The following LRRC4C variants were observed in gnomAD, a reference collection of about 807,000 sequenced individuals.
The protein encoded by LRRC4C is leucine-rich repeat-containing protein 4C.
Under a neutral mutation model 33.6 loss-of-function variants are expected in LRRC4C, and 5 were observed. That is an observed-to-expected ratio of 0.15 (90% confidence interval 0.08 to 0.31). The LOEUF is 0.31. Ranked by LOEUF, LRRC4C falls within the 10% of genes least tolerant of loss-of-function variation. LRRC4C has a pLI of 1.00. For missense variants in LRRC4C, 560 were observed against 796.7 expected (o/e 0.70, Z 3.58); for synonymous variants, 329 against 302.0 (o/e 1.09, Z -0.93).
chr11:41,194,826 C>T (rs981570925), intron 1 of LRRC4C, among the ~76,000 whole-genome samples: 7 of 152,020 alleles, frequency 4.6e-5, no homozygotes, highest in Non-Finnish European at 8.8e-5. Context: ...TTTTAATTCA[C>T]CACATTTATA....
rs368250244 is a variant in LRRC4C at position 40,993,144 on chromosome 11, C to T, written c.-495-59421G>A. On this transcript the variant is annotated intron_variant, in intron 1 of 6. Transcript: ENST00000528697. ...TGTATATTTTCATTGCTTTTGTATA[C>T]TTCATTTCATTTCATGTGCTTTGCA... Among the ~76,000 whole-genome samples, 484 of 152,224 alleles carry T rather than the reference C, an allele frequency of 3.2e-3. 7 individuals carry two copies. The South Asian group carries it at 0.036, about 11-fold the overall frequency.
chr11:41,360,207 C>G (rs1952304381), intron 1 of LRRC4C, among the ~76,000 whole-genome samples: 1 of 152,070 alleles, frequency 6.6e-6, no homozygotes, highest in Admixed American at 6.5e-5. Context: ...AACAAACAAA[C>G]AGAATAAAAT....
At chr11:40,394,837 T>C (rs1949475960) in intron 3 of LRRC4C, among the ~76,000 whole-genome samples, 1 of 152,186 alleles carries the variant, frequency 6.6e-6, no homozygotes, top group Non-Finnish European at 1.5e-5. Flanking sequence ...AGTAGGTACA[T>C]TACATGAAAC....
intron 1 of LRRC4C, among the ~76,000 whole-genome samples, chr11:40,963,401 A>G (rs554204450): frequency 6.6e-6 from 1 of 151,852 alleles, no homozygotes; most frequent in Admixed American, 6.6e-5. Flanking sequence ...ATATAAATCA[A>G]CATGGGATAA....
At chr11:41,415,385 C>T (rs1357915049) in intron 1 of LRRC4C, among the ~76,000 whole-genome samples, 5 of 152,168 alleles carry the variant, frequency 3.3e-5, no homozygotes, top group African/African-American at 4.8e-5. Context: ...GAGGAGTCCC[C>T]GAATGACTGA....
chr11:40,223,744 C>A (rs1187738892), intron 5 of LRRC4C, among the ~76,000 whole-genome samples: 1 of 152,150 alleles, frequency 6.6e-6, no homozygotes, highest in Non-Finnish European at 1.5e-5. Context: ...ATGAAAAGTG[C>A]CAACCACAAT....
At chr11:40,393,679 A>G (rs1224067101) in intron 3 of LRRC4C, among the ~76,000 whole-genome samples, 2 of 152,204 alleles carry the variant, frequency 1.3e-5, no homozygotes, top group Non-Finnish European at 2.9e-5. Flanking sequence ...ACCCAAGTGA[A>G]AAAACAATTG....
At chr11:40,436,973 G>C (rs141373319) in intron 3 of LRRC4C, among the ~76,000 whole-genome samples, 225 of 152,256 alleles carry the variant, frequency 1.5e-3, no homozygotes, top group African/African-American at 5.3e-3. Flanking sequence ...GTTCGAGCTC[G>C]GGGGAGGATG....
In LRRC4C at chr11:41,204,268, T is replaced by C. The variant is rs75162450; in HGVS notation, c.-496+255163A>G. On this transcript the variant is annotated intron_variant, in intron 1 of 6. Coordinates refer to ENST00000528697, the MANE Select transcript of LRRC4C (RefSeq NM_001258419.2). ...CAGTGACAGAGGAAATAATGAAATA[T>C]ATAAGGCAGAGATGGCCCTGACAAA... Among the ~76,000 whole-genome samples, 1,248 of 152,338 alleles carry C rather than the reference T, an allele frequency of 8.2e-3. 12 individuals carry two copies. The highest frequency in any genetic ancestry group is 0.028 in the African/African-American group (1,176 of 41,570).
At chr11:41,166,128 T>C (rs957358863) in intron 1 of LRRC4C, among the ~76,000 whole-genome samples, 1 of 150,976 alleles carries the variant, frequency 6.6e-6, no homozygotes, top group African/African-American at 2.4e-5. Context: ...TGTATTTATG[T>C]CAAAAAAAAA....
intron 1 of LRRC4C, among the ~76,000 whole-genome samples, chr11:40,982,466 A>G (rs139887468): frequency 7.2e-5 from 11 of 152,286 alleles, no homozygotes; most frequent in African/African-American, 2.4e-4. Context: ...GCATAGTATG[A>G]TAATGAACTA....
At chr11:41,062,075 G>A (rs1459953778) in intron 1 of LRRC4C, among the ~76,000 whole-genome samples, 3 of 152,140 alleles carry the variant, frequency 2.0e-5, no homozygotes, top group Admixed American at 2.0e-4. Flanking sequence ...TCTCACTATG[G>A]AAAATTTAAT....
chr11:40,871,950 T>A (rs1954671598), intron 2 of LRRC4C, among the ~76,000 whole-genome samples: 1 of 152,112 alleles, frequency 6.6e-6, no homozygotes, highest in Non-Finnish European at 1.5e-5. Context: ...GAACCAGGGG[T>A]TTCTCCAGGC....
At chr11:40,336,705 G>A (rs536727330) in intron 3 of LRRC4C, among the ~76,000 whole-genome samples, 2 of 152,180 alleles carry the variant, frequency 1.3e-5, no homozygotes, top group East Asian at 1.9e-4. Context: ...GGCTGGGCAC[G>A]GTGGCTCACG....
rs191356200 is a variant in LRRC4C, at chr11:41,135,502, T to A, written c.-495-201779A>T. ...GACATATACAAAGTAAGAACTTGAATCTTTACATCCCTTGGACTTTCTAGG... is the reference window on the plus strand; with the variant it reads ...GACATATACAAAGTAAGAACTTGAAACTTTACATCCCTTGGACTTTCTAGG... On this transcript the variant is annotated intron_variant, in intron 1 of 6. Coordinates refer to ENST00000528697, the MANE Select transcript of LRRC4C (RefSeq NM_001258419.2). 4.6e-5 allele frequency among the ~76,000 whole-genome samples: 7 copies of A among 152,328 alleles called. No individual in the cohort carries two copies. The East Asian group carries it at 9.6e-4, about 21-fold the overall frequency.
intron 1 of LRRC4C, among the ~76,000 whole-genome samples, chr11:40,958,332 T>C (rs185751957): frequency 5.4e-4 from 82 of 151,926 alleles, no homozygotes; most frequent in African/African-American, 1.9e-3. Flanking sequence ...ACCTAAGTTA[T>C]AAGCTTGTAG....
At chr11:40,484,406 G>A (rs1361334528) in intron 3 of LRRC4C, among the ~76,000 whole-genome samples, 1 of 151,910 alleles carries the variant, frequency 6.6e-6, no homozygotes, top group Non-Finnish European at 1.5e-5. Flanking sequence ...TTTATTTAGT[G>A]TACTGCTTTG....
At chr11:41,075,027 T>TTTTA (rs1939023266) in intron 1 of LRRC4C, among the ~76,000 whole-genome samples, 6 of 102,976 alleles carry the variant, frequency 5.8e-5, no homozygotes, top group Admixed American at 1.0e-4. Flanking sequence ...TTTTTTTTTT[T>TTTTA]TTTTTTTTTA....
intron 1 of LRRC4C, among the ~76,000 whole-genome samples, chr11:41,380,865 G>A (rs1308758286): frequency 1.3e-5 from 2 of 152,066 alleles, no homozygotes; most frequent in African/African-American, 4.8e-5. Flanking sequence ...GACTACATCT[G>A]CAATGTCAGG....
Sources: allele counts gnomAD v4.1 joint callset (sites outside exome capture counted in the v4.1 genomes callset), GRCh38; gene constraint gnomAD v4.1.1; transcripts MANE v1.5; gene names NCBI Gene and HGNC (gene_info 2026-07-23, HGNC 2026-07-21).